Variants in PTPRD observed in about 807,000 individuals in gnomAD.
PTPRD encodes receptor-type tyrosine-protein phosphatase delta.
PTPRD carries 34 observed loss-of-function variants against 214.5 expected under a neutral mutation model. The ratio of observed to expected loss-of-function variants is 0.16; its 90% CI spans 0.12 to 0.21. The LOEUF is 0.21. Among genes scored for constraint, PTPRD ranks in the 10% least tolerant of loss-of-function variants. PTPRD has a pLI of 1.00. For synonymous variants in PTPRD, 1,128 were observed against 845.7 expected (o/e 1.33, Z -5.79); for missense variants, 2,545 against 2,398.7 (o/e 1.06, Z -1.27).
intron 8 of PTPRD, among the ~76,000 whole-genome samples, chr9:9,445,261 C>T (rs1383399947): frequency 1.3e-5 from 2 of 152,194 alleles, no homozygotes; most frequent in Non-Finnish European, 2.9e-5. Flanking sequence ...CCATACTTAT[C>T]TGTCCCACGT....
At chr9:9,716,016 A>G (rs1478498132) in intron 7 of PTPRD, among the ~76,000 whole-genome samples, 6 of 93,660 alleles carry the variant, frequency 6.4e-5, no homozygotes, top group African/African-American at 2.5e-4. Flanking sequence ...CCCCCACCCC[A>G]CAACAGTCCC....
At chr9:10,487,966 G>GTCTGTCTC (rs2099143494) in intron 2 of PTPRD, among the ~76,000 whole-genome samples, 1 of 110,270 alleles carries the variant, frequency 9.1e-6, no homozygotes, top group Non-Finnish European at 1.8e-5. Flanking sequence ...AATGAACACA[G>GTCTGTCTC]TCTCTCTCTC....
At chr9:9,112,548 T>C (rs772105145) in intron 10 of PTPRD, among the ~76,000 whole-genome samples, 3 of 152,186 alleles carry the variant, frequency 2.0e-5, no homozygotes, top group Non-Finnish European at 4.4e-5. Flanking sequence ...AGATTAGGAC[T>C]ATTTATATTG....
At chr9:8,991,595 T>C (rs747696507) in intron 11 of PTPRD, among the ~76,000 whole-genome samples, 1 of 152,110 alleles carries the variant, frequency 6.6e-6, no homozygotes, top group African/African-American at 2.4e-5. Flanking sequence ...CACAGGTAAA[T>C]AGAGGCTTAG....
At chr9:9,661,055 T>A (rs1188160192) in intron 7 of PTPRD, among the ~76,000 whole-genome samples, 1 of 151,998 alleles carries the variant, frequency 6.6e-6, no homozygotes, top group African/African-American at 2.4e-5. Context: ...TAACTTTCCA[T>A]AAAGAAATGA....
rs34336655 is a variant in PTPRD, at chr9:9,388,441, A to C, written c.-203+9008T>G. ...TTCCCTTCCCAGCACTAATGTATCA[A>C]TATATCTAAATGCATAGCATGCTAA... On this transcript the variant is annotated intron_variant, in intron 9 of 45. Coordinates refer to ENST00000381196, the MANE Select transcript of PTPRD (RefSeq NM_002839.4). 5.3e-3 allele frequency among the ~76,000 whole-genome samples: 807 copies of C among 152,246 alleles called. 2 individuals carry two copies. The highest frequency in any genetic ancestry group is 8.5e-3 in the Non-Finnish European group (581 of 68,014).
chr9:10,128,593 G>C (rs935195793), intron 3 of PTPRD, among the ~76,000 whole-genome samples: 1 of 152,124 alleles, frequency 6.6e-6, no homozygotes, highest in African/African-American at 2.4e-5. Context: ...AATTTCTGTT[G>C]TTTAAGCCAC....
intron 31 of PTPRD, among the ~76,000 whole-genome samples, chr9:8,469,193 T>C (rs990587509): frequency 3.3e-5 from 5 of 152,048 alleles, no homozygotes; most frequent in Non-Finnish European, 7.4e-5. Context: ...AGAATTTAAT[T>C]GCAAGAAAGT....
At chr9:9,598,250 G>A (rs767987760) in intron 7 of PTPRD, among the ~76,000 whole-genome samples, 1 of 151,964 alleles carries the variant, frequency 6.6e-6, no homozygotes, top group African/African-American at 2.4e-5. Context: ...CCCACATCAG[G>A]GCTGAGTTAT....
At chr9:10,569,930 G>T (rs1035142256) in intron 2 of PTPRD, among the ~76,000 whole-genome samples, 1 of 152,064 alleles carries the variant, frequency 6.6e-6, no homozygotes, top group Admixed American at 6.6e-5. Context: ...TATACTCAAT[G>T]TCTTGCTCTG....
intron 8 of PTPRD, among the ~76,000 whole-genome samples, chr9:9,570,989 T>G (rs887158481): frequency 8.6e-5 from 13 of 151,492 alleles, no homozygotes; most frequent in Admixed American, 7.9e-4. Flanking sequence ...ACTATCTACT[T>G]TGCTGTTCTA....
chr9:10,239,488 G>T (rs150653070), intron 3 of PTPRD, among the ~76,000 whole-genome samples: 1 of 151,902 alleles, frequency 6.6e-6, no homozygotes. Context: ...TTCATTTTAA[G>T]TGGGGGATTT....
At chr9:9,034,439 A>G (rs775724170) in intron 10 of PTPRD, among the ~76,000 whole-genome samples, 151 of 152,312 alleles carry the variant, frequency 9.9e-4, no homozygotes, top group Non-Finnish European at 1.7e-3. Context: ...TACCTGCACT[A>G]TGTGTCTCCC....
chr9:8,486,949 C>T (rs544404722), intron 27 of PTPRD, among the ~76,000 whole-genome samples: 4 of 152,000 alleles, frequency 2.6e-5, no homozygotes, highest in African/African-American at 4.8e-5. Flanking sequence ...TGTCTGGAGT[C>T]GACTGCTTAA....
chr9:9,102,088 T>C (rs918039852), intron 10 of PTPRD, among the ~76,000 whole-genome samples: 1 of 152,196 alleles, frequency 6.6e-6, no homozygotes, highest in African/African-American at 2.4e-5. Context: ...ATACAGACTC[T>C]TCTTTTAAAT....
chr9:9,178,240 C>G (rs1041739990), intron 10 of PTPRD, among the ~76,000 whole-genome samples: 1 of 151,922 alleles, frequency 6.6e-6, no homozygotes, highest in African/African-American at 2.4e-5. Flanking sequence ...TGTGACCTCC[C>G]TTAGTCTTTC....
chr9:9,359,900 A>G (rs2055353937), intron 9 of PTPRD, among the ~76,000 whole-genome samples: 1 of 151,326 alleles, frequency 6.6e-6, no homozygotes, highest in Non-Finnish European at 1.5e-5. Flanking sequence ...CAGCTACTAC[A>G]GATTAGAGAA....
intron 11 of PTPRD, among the ~76,000 whole-genome samples, chr9:8,998,279 G>A (rs1399840338): frequency 6.6e-6 from 1 of 151,990 alleles, no homozygotes. Flanking sequence ...GGATAGGCTG[G>A]TTATCTTGTT....
intron 7 of PTPRD, among the ~76,000 whole-genome samples, chr9:9,610,004 G>A (rs2094433535): frequency 6.6e-6 from 1 of 152,150 alleles, no homozygotes. Context: ...CAAATGCCTG[G>A]TGGGTCCCTT....
Sources: allele counts gnomAD v4.1 joint callset (sites outside exome capture counted in the v4.1 genomes callset), GRCh38; gene constraint gnomAD v4.1.1; transcripts MANE v1.5; gene names NCBI Gene and HGNC (gene_info 2026-07-23, HGNC 2026-07-21).